PHACTR4: variants seen among roughly 807,000 people sequenced by gnomAD.
The protein encoded by PHACTR4 is phosphatase and actin regulator 4.
Under a neutral mutation model 72.7 loss-of-function variants are expected in PHACTR4, and 51 were observed. The ratio of observed to expected loss-of-function variants is 0.70; its 90% CI spans 0.56 to 0.89. The LOEUF (loss-of-function observed/expected upper bound fraction) is 0.89. Ranked by LOEUF, PHACTR4 falls within the 40% of genes least tolerant of loss-of-function variation. The pLI is 0.00. For synonymous variants in PHACTR4, 255 were observed against 302.5 expected, an observed-to-expected ratio of 0.84 and a Z score of 1.63; for missense variants, 731 against 861.8, an observed-to-expected ratio of 0.85 and a Z score of 1.90.
At chr1:28,396,845 C>CTTTTCTT (rs1653543925) in intron 1 of PHACTR4, among the ~76,000 whole-genome samples, 3 of 119,666 alleles carry the variant, frequency 2.5e-5, no homozygotes, top group African/African-American at 9.8e-5. Context: ...TTCTTTCTTT[C>CTTTTCTT]TTTTTTTTTT....
intron 2 of PHACTR4, among the ~76,000 whole-genome samples, chr1:28,427,027 T>C (rs1655912243): frequency 2.3e-5 from 3 of 132,054 alleles, no homozygotes; most frequent in South Asian, 4.3e-4. Flanking sequence ...TTGTAAATTG[T>C]ATCTCATTTT....
intron 2 of PHACTR4, chr1:28,453,560 TG>T: frequency 1.4e-6 from 1 of 703,556 alleles, no homozygotes; most frequent in Non-Finnish European, 2.3e-6. Flanking sequence ...CACGAGAGAG[TG>T]GGACTTGGGC....
chr1:28,392,111 G>T (rs970751006), intron 1 of PHACTR4, among the ~76,000 whole-genome samples: 9 of 152,104 alleles, frequency 5.9e-5, no homozygotes, highest in African/African-American at 2.2e-4. Flanking sequence ...ATGGTCTGAA[G>T]ATATGAAAAA....
intron 1 of PHACTR4, among the ~76,000 whole-genome samples, chr1:28,385,144 T>C (rs1449647161): frequency 6.6e-6 from 1 of 152,210 alleles, no homozygotes; most frequent in Non-Finnish European, 1.5e-5. Context: ...AATATCCCTC[T>C]TAACACTGCC....
chr1:28,417,548 T>A (rs61783822), intron 2 of PHACTR4, among the ~76,000 whole-genome samples: 59,264 of 151,978 alleles, frequency 0.39, 13,374 homozygotes, highest in African/African-American at 0.62. Flanking sequence ...CTGGACAAGG[T>A]GATGGATGAT....
At chr1:28,403,955 C>T (rs1654123346) in intron 1 of PHACTR4, among the ~76,000 whole-genome samples, 1 of 152,096 alleles carries the variant, frequency 6.6e-6, no homozygotes, top group Admixed American at 6.6e-5. Flanking sequence ...TTTTGTTTAT[C>T]CAGTGATCAG....
In PHACTR4 at chr1:28,498,205, A is replaced by G. The variant is rs1321236378; in HGVS notation, c.*1656A>G. The G allele has an allele frequency of 1.3e-5, 2 of 152,174 alleles. No homozygotes were observed. The highest frequency in any genetic ancestry group is 4.8e-5 in the African/African-American group (2 of 41,436). 9.4% of individuals were successfully genotyped at this position (152,174 alleles called of 1,614,324 possible). ...CCCCACACTTCTAGCCAGAATCACA[A>G]TAAGGTCTGGCTGGGTGTGGGGTGC... On this transcript the variant is annotated 3_prime_UTR_variant, in exon 14 of 14. Coordinates refer to ENST00000373839, the MANE Select transcript of PHACTR4 (RefSeq NM_001048183.3).
Position 28,473,858 on chromosome 1 carries a change from A to G in PHACTR4, c.1128A>G (p.Pro376=). The change falls in exon 7 of 14, where the codon CCA becomes CCG. Residue 376 remains proline (P), a synonymous_variant. Coordinates refer to ENST00000373839, the MANE Select transcript of PHACTR4 (RefSeq NM_001048183.3). ...FQVVPEIEFP[P]SLDLHQEIPQ... ...TTGTGCCAGAAATTGAGTTTCCACC[A>G]TCCTTAGATCTACACCAGGAGATTC... 1 of 1,556,868 alleles carries G rather than the reference A, an allele frequency of 6.4e-7. No individual in the cohort carries two copies. Among genetic ancestry groups the G allele is most frequent in the Non-Finnish European group, 8.7e-7 (1 of 1,154,230 alleles).
intron 2 of PHACTR4, among the ~76,000 whole-genome samples, chr1:28,413,970 G>T (rs1654940510): frequency 6.6e-6 from 1 of 152,054 alleles, no homozygotes; most frequent in African/African-American, 2.4e-5. Flanking sequence ...GATGGTAAGG[G>T]GTGAAGAAAA....
chr1:28,380,150 A>G (rs1204148354), intron 1 of PHACTR4, among the ~76,000 whole-genome samples: 1 of 128,622 alleles, frequency 7.8e-6, no homozygotes, highest in Non-Finnish European at 1.6e-5. Flanking sequence ...TCCGCCTCCC[A>G]GGTTCACGCC....
intron 2 of PHACTR4, among the ~76,000 whole-genome samples, chr1:28,450,977 T>TTTTTTTTTTTTTTTTTTG: frequency 8.5e-6 from 1 of 117,980 alleles, no homozygotes; most frequent in Non-Finnish European, 1.8e-5. Context: ...CACCCAGCTT[T>TTTTTTTTTTTTTTTTTTG]TTTTTTTTTT....
chr1:28,400,729 G>A (rs376074516), intron 1 of PHACTR4, among the ~76,000 whole-genome samples: 6 of 152,010 alleles, frequency 3.9e-5, no homozygotes, highest in African/African-American at 1.2e-4. Flanking sequence ...ACAGGCGCGC[G>A]CCACCACGCC....
intron 1 of PHACTR4, among the ~76,000 whole-genome samples, chr1:28,373,355 A>G (rs1651394568): frequency 6.6e-6 from 1 of 152,020 alleles, no homozygotes; most frequent in Non-Finnish European, 1.5e-5. Context: ...CAATGGCACG[A>G]TCTTGGCTCA....
intron 1 of PHACTR4, among the ~76,000 whole-genome samples, chr1:28,389,708 C>T (rs1009081397): frequency 6.6e-5 from 10 of 152,108 alleles, no homozygotes; most frequent in African/African-American, 2.2e-4. Context: ...GATCTCTTGA[C>T]CTCGTGATCG....
At chr1:28,421,054 G>A (rs1199997164) in intron 2 of PHACTR4, among the ~76,000 whole-genome samples, 2 of 152,048 alleles carry the variant, frequency 1.3e-5, no homozygotes, top group African/African-American at 4.8e-5. Flanking sequence ...CTTTTCTGTT[G>A]AACAATTTGT....
chr1:28,398,836 T>G (rs931650348), intron 1 of PHACTR4, among the ~76,000 whole-genome samples: 19 of 151,532 alleles, frequency 1.3e-4, no homozygotes, highest in African/African-American at 4.6e-4. Context: ...AAAAAAAAAT[T>G]TAATTAATTA....
chr1:28,454,270 CTT>C (rs945039969), intron 2 of PHACTR4, among the ~76,000 whole-genome samples: 8 of 95,082 alleles, frequency 8.4e-5, no homozygotes, highest in African/African-American at 3.1e-4. Flanking sequence ...ATCACTTTGT[CTT>C]TTTTTTTTTT....
chr1:28,429,922 G>A (rs1277679025), intron 2 of PHACTR4, among the ~76,000 whole-genome samples: 1 of 152,104 alleles, frequency 6.6e-6, no homozygotes, highest in East Asian at 1.9e-4. Flanking sequence ...GGTGTGTCCA[G>A]AAAACCATAG....
At chr1:28,403,517 C>T (rs1216695550) in intron 1 of PHACTR4, among the ~76,000 whole-genome samples, 1 of 152,098 alleles carries the variant, frequency 6.6e-6, no homozygotes, top group Non-Finnish European at 1.5e-5. Flanking sequence ...CATGCTACCA[C>T]AGTATACCCT....
Sources: gnomAD v4.1 joint callset for allele counts (sites outside exome capture counted in the v4.1 genomes callset) on GRCh38, gnomAD v4.1.1 for gene constraint, MANE v1.5 for transcripts, NCBI Gene and HGNC (gene_info 2026-07-23, HGNC 2026-07-21) for gene names.